SLC1A2: variants seen among roughly 807,000 people sequenced by gnomAD.
SLC1A2 encodes excitatory amino acid transporter 2.
In SLC1A2, 15 loss-of-function variants were observed where a neutral mutation model predicts 48.8. That is an observed-to-expected ratio of 0.31 (90% confidence interval 0.21 to 0.47). The LOEUF (loss-of-function observed/expected upper bound fraction) is 0.47. Among genes scored for constraint, SLC1A2 ranks in the 20% least tolerant of loss-of-function variants. The pLI is 0.99. For missense variants in SLC1A2, 502 were observed against 730.5 expected (o/e 0.69, Z 3.61); for synonymous variants, 279 against 272.6 (o/e 1.02, Z -0.23).
intron 3 of SLC1A2, among the ~76,000 whole-genome samples, 178 bp from the exon 4 acceptor site, chr11:35,312,626 T>A (rs1038550974): frequency 5.3e-5 from 8 of 152,234 alleles, no homozygotes; most frequent in Non-Finnish European, 8.8e-5. Flanking sequence ...TCCCAACAGA[T>A]ACCAAAATCT....
intron 1 of SLC1A2, chr11:35,322,539 G>A (rs1852106898): frequency 7.1e-7 from 1 of 1,406,478 alleles, no homozygotes; most frequent in Non-Finnish European, 9.7e-7. Flanking sequence ...AGGATGTGAG[G>A]TTTGCAATGG....
In SLC1A2 at chr11:35,403,372, A is replaced by G. The variant is rs531272699; in HGVS notation, c.17+15578T>C. On this transcript the variant is annotated intron_variant, in intron 1 of 10. Transcript: ENST00000278379. ...GGCTCAGAAGCTGTTTTATGAAAGT[A>G]TCTCCTTATGAGAATATTCTAGTGC... Among the ~76,000 whole-genome samples the G allele has an allele frequency of 2.0e-5, 3 of 152,346 alleles. No homozygotes were observed. The East Asian group carries it at 5.8e-4, about 29-fold the overall frequency.
intron 1 of SLC1A2, among the ~76,000 whole-genome samples, chr11:35,348,655 G>A (rs943993704): frequency 1.2e-4 from 18 of 151,910 alleles, no homozygotes; most frequent in African/African-American, 4.4e-4. Flanking sequence ...ACTTTGGGAG[G>A]CTGAGGCGGA....
intron 1 of SLC1A2, among the ~76,000 whole-genome samples, chr11:35,361,846 G>T (rs1005901879): frequency 6.6e-6 from 1 of 152,142 alleles, no homozygotes; most frequent in Non-Finnish European, 1.5e-5. Context: ...GCATGGTGAT[G>T]CCTGCCTGCA....
intron 1 of SLC1A2, among the ~76,000 whole-genome samples, chr11:35,321,444 A>G (rs571601430): frequency 3.7e-4 from 57 of 152,248 alleles, no homozygotes; most frequent in Admixed American, 1.2e-3. Context: ...ATTTTATGCA[A>G]TTTGTCTAGA....
intron 1 of SLC1A2, among the ~76,000 whole-genome samples, chr11:35,330,363 C>A (rs751149516): frequency 6.6e-6 from 1 of 152,180 alleles, no homozygotes; most frequent in Non-Finnish European, 1.5e-5. Flanking sequence ...AGGCTTCTGC[C>A]CTGCCTTTGA....
At chr11:35,300,368 T>G (rs945697328) in intron 6 of SLC1A2, among the ~76,000 whole-genome samples, 1 of 152,164 alleles carries the variant, frequency 6.6e-6, no homozygotes, top group Non-Finnish European at 1.5e-5. Flanking sequence ...TCCCCCAAAT[T>G]CTTATGTTGA....
intron 5 of SLC1A2, among the ~76,000 whole-genome samples, chr11:35,303,524 T>C (rs996304839): frequency 6.6e-6 from 1 of 152,144 alleles, no homozygotes; most frequent in Non-Finnish European, 1.5e-5. Context: ...CTCAAGCCCA[T>C]GGAGAGGAGT....
At chr11:35,275,720 G>GT (rs1261092265) in intron 9 of SLC1A2, among the ~76,000 whole-genome samples, 1 of 152,216 alleles carries the variant, frequency 6.6e-6, no homozygotes, top group Admixed American at 6.5e-5. Flanking sequence ...GCTTTGTTTG[G>GT]TTTTAAATTG....
intron 1 of SLC1A2, among the ~76,000 whole-genome samples, chr11:35,397,500 C>CAGG (rs1855001091): frequency 6.6e-6 from 1 of 150,770 alleles, no homozygotes; most frequent in Non-Finnish European, 1.5e-5. Context: ...AACTGGATCC[C>CAGG]TTCCTTACAC....
At chr11:35,310,417 T>C (rs1851650912) in intron 4 of SLC1A2, among the ~76,000 whole-genome samples, 1 of 152,196 alleles carries the variant, frequency 6.6e-6, no homozygotes, top group Non-Finnish European at 1.5e-5. Flanking sequence ...AGCACCTTCT[T>C]CTCCAGCTTA....
At chr11:35,376,301 A>G (rs1325765228) in intron 1 of SLC1A2, among the ~76,000 whole-genome samples, 2 of 152,242 alleles carry the variant, frequency 1.3e-5, no homozygotes, top group Non-Finnish European at 2.9e-5. Context: ...AACTAAATGC[A>G]GTGCAGGACC....
At chr11:35,309,045 A>G (rs965758235) in intron 4 of SLC1A2, among the ~76,000 whole-genome samples, 1 of 152,100 alleles carries the variant, frequency 6.6e-6, no homozygotes, top group African/African-American at 2.4e-5. Flanking sequence ...CAGCTTCTGC[A>G]TATCTGTGCC....
At chr11:35,408,596 T>G (rs1855370514) in intron 1 of SLC1A2, among the ~76,000 whole-genome samples, 1 of 152,258 alleles carries the variant, frequency 6.6e-6, no homozygotes, top group Admixed American at 6.5e-5. Context: ...AACCTCTTTT[T>G]ATTCCCAGTT....
At chr11:35,357,092 A>G (rs1291100226) in intron 1 of SLC1A2, among the ~76,000 whole-genome samples, 2 of 151,938 alleles carry the variant, frequency 1.3e-5, no homozygotes, top group African/African-American at 2.4e-5. Flanking sequence ...CTACAAAAGA[A>G]AAAAGAAAAA....
chr11:35,408,112 G>A (rs1855355060), intron 1 of SLC1A2, among the ~76,000 whole-genome samples: 2 of 152,102 alleles, frequency 1.3e-5, no homozygotes, highest in South Asian at 4.1e-4. Flanking sequence ...TAATCTAGAA[G>A]GCTGAGAGAT....
intron 1 of SLC1A2, chr11:35,399,466 T>C (rs1264168272): frequency 1.1e-5 from 2 of 183,990 alleles, no homozygotes; most frequent in Non-Finnish European, 2.1e-5. Flanking sequence ...AGAACCATCA[T>C]AGAATGTAAA....
At chr11:35,380,861 A>G (rs10836387) in intron 1 of SLC1A2, among the ~76,000 whole-genome samples, 63,505 of 152,000 alleles carry the variant, frequency 0.42, 13,372 homozygotes, top group Middle Eastern at 0.45. Context: ...TATGCTCCCA[A>G]TGACACCCTG....
chr11:35,376,348 G>GA (rs1353393342), intron 1 of SLC1A2, among the ~76,000 whole-genome samples: 1 of 152,156 alleles, frequency 6.6e-6, no homozygotes, highest in African/African-American at 2.4e-5. Flanking sequence ...AACATTACTG[G>GA]AAAAATATGA....
Sources: gnomAD v4.1 joint callset for allele counts (sites outside exome capture counted in the v4.1 genomes callset) on GRCh38, gnomAD v4.1.1 for gene constraint, MANE v1.5 for transcripts, NCBI Gene and HGNC (gene_info 2026-07-23, HGNC 2026-07-21) for gene names.